Variants in SYCP1 observed in about 807,000 individuals in gnomAD.
SYCP1 encodes cancer/testis antigen 8.
SYCP1 carries 64 observed loss-of-function variants against 153.1 expected under a neutral mutation model. That is an observed-to-expected ratio of 0.42 (90% CI 0.34 to 0.51). The LOEUF (loss-of-function observed/expected upper bound fraction) is 0.51. SYCP1 is among the 20% of genes least tolerant of loss of function. The pLI is 0.06. For missense variants in SYCP1, 997 were observed against 1,049.0 expected (o/e 0.95, Z 0.68); for synonymous variants, 384 against 341.8 (o/e 1.12, Z -1.36).
intron 9 of SYCP1, among the ~76,000 whole-genome samples, chr1:114,875,395 G>C (rs11804119): frequency 6.6e-6 from 1 of 151,840 alleles, no homozygotes; most frequent in Non-Finnish European, 1.5e-5. Flanking sequence ...GAGTAGCTGG[G>C]ACTACAGGGG....
chr1:114,935,751 T>C (rs1669955125), intron 23 of SYCP1, among the ~76,000 whole-genome samples: 1 of 152,130 alleles, frequency 6.6e-6, no homozygotes, highest in Non-Finnish European at 1.5e-5. Flanking sequence ...AAATACAAAC[T>C]ACCATCAGAG....
chr1:114,954,567 A>ATTTATTTATTTATTTATTT (rs1671316631), intron 27 of SYCP1, among the ~76,000 whole-genome samples: 2 of 149,998 alleles, frequency 1.3e-5, no homozygotes, highest in African/African-American at 4.9e-5. Flanking sequence ...TTATTTATTT[A>ATTTATTTATTTATTTATTT]TTTATTTATT....
chr1:114,928,301 A>G (rs886977937), intron 23 of SYCP1, among the ~76,000 whole-genome samples: 1 of 152,214 alleles, frequency 6.6e-6, no homozygotes, highest in Admixed American at 6.5e-5. Context: ...GCAGACAGAA[A>G]AAAATGTCAC....
chr1:114,994,685 AT>A lies in SYCP1; in HGVS notation c.2704-8del. ...GGTAAACCCAACATCATATTTTTTT[AT>A]TTTTCTTCAAGAGCATGGTTTCAGA... is the stretch of plus-strand genomic sequence containing the variant. On this transcript the variant is annotated splice_polypyrimidine_tract_variant and intron_variant, in intron 30 of 31. Transcript: ENST00000369522. 6.5e-7 allele frequency: 1 copy of A among 1,538,794 alleles called. No individual in the cohort carries two copies. Among genetic ancestry groups the A allele is most frequent in the Non-Finnish European group, 8.7e-7 (1 of 1,150,512 alleles).
intron 6 of SYCP1, 83 bp downstream of exon 6, chr1:114,858,794 A>G: frequency 3.3e-6 from 4 of 1,201,004 alleles, no homozygotes; most frequent in Non-Finnish European, 4.7e-6. Flanking sequence ...GTTGGGATAA[A>G]TTGGATTGAT....
At chr1:114,859,326 ACC>A (rs1409587641) in intron 6 of SYCP1, among the ~76,000 whole-genome samples, 5 of 152,120 alleles carry the variant, frequency 3.3e-5, no homozygotes. Flanking sequence ...AGACCTCGTG[ACC>A]CACCTGCCTC....
At chr1:114,934,205 C>T (rs1484073936) in intron 23 of SYCP1, among the ~76,000 whole-genome samples, 3 of 152,218 alleles carry the variant, frequency 2.0e-5, no homozygotes, top group East Asian at 1.9e-4. Context: ...AGACTAACAG[C>T]GGATCTCTGG....
intron 7 of SYCP1, among the ~76,000 whole-genome samples, chr1:114,860,034 A>C (rs1426682731): frequency 8.5e-5 from 13 of 152,198 alleles, no homozygotes; most frequent in Admixed American, 8.5e-4. Flanking sequence ...GTCAGGCATC[A>C]GGAATAAACA....
At chr1:114,894,344 A>T (rs1182432182) in intron 15 of SYCP1, among the ~76,000 whole-genome samples, 1 of 152,212 alleles carries the variant, frequency 6.6e-6, no homozygotes, top group Non-Finnish European at 1.5e-5. Flanking sequence ...TTACATTTCC[A>T]TTAATCAATA....
At position 114,857,263 on chromosome 1, in the gene SYCP1, C is replaced by A. The variant is rs17544210; in HGVS notation, c.225C>A (p.Pro75=). The A allele has an allele frequency of 6.3e-7, 1 of 1,599,456 alleles. No homozygotes were observed. Residue 75 remains proline, a synonymous_variant, in exon 4 of 32, where the codon CCC becomes CCA. Transcript: ENST00000369522. ...CTTTACAAAAAGTTAATTTCTTGCC[C>A]GTGCTTGAGCAGGTCAGTTAAGCAT... ...DPALQKVNFL[P]VLEQVGNSDC...
intron 29 of SYCP1, 99 bp downstream of exon 29, chr1:114,981,611 T>G (rs1466799338): frequency 1.9e-6 from 2 of 1,077,662 alleles, no homozygotes; most frequent in East Asian, 5.7e-5. Context: ...CATATATAAC[T>G]AGTTTCTTGA....
chr1:114,917,170 C>T (rs1334729943), intron 20 of SYCP1, among the ~76,000 whole-genome samples: 1 of 152,014 alleles, frequency 6.6e-6, no homozygotes, highest in Non-Finnish European at 1.5e-5. Context: ...CCTGGAAACC[C>T]TCTTTCTACT....
intron 23 of SYCP1, among the ~76,000 whole-genome samples, chr1:114,939,981 G>A (rs1388537270): frequency 1.3e-5 from 2 of 152,094 alleles, no homozygotes; most frequent in Admixed American, 1.3e-4. Flanking sequence ...AGAATTGTCT[G>A]TAGCATTTAC....
At chr1:114,994,633 A>G (rs1674151317) in intron 30 of SYCP1, 65 bp from the exon 31 acceptor site, 5 of 1,268,636 alleles carry the variant, frequency 3.9e-6, no homozygotes, top group Non-Finnish European at 5.3e-6. Flanking sequence ...TATGTTGACA[A>G]AATGTTAATA....
intron 27 of SYCP1, among the ~76,000 whole-genome samples, chr1:114,957,135 G>A (rs1420864637): frequency 2.6e-5 from 4 of 151,694 alleles, no homozygotes; most frequent in Non-Finnish European, 5.9e-5. Context: ...TACAATCATA[G>A]CTCACTGGAA....
chr1:114,972,212 C>T (rs1672534391), intron 27 of SYCP1, among the ~76,000 whole-genome samples: 1 of 152,022 alleles, frequency 6.6e-6, no homozygotes, highest in African/African-American at 2.4e-5. Context: ...ATATTTACCT[C>T]ATAGTAACCT....
intron 3 of SYCP1, 96 bp from the exon 4 acceptor site, chr1:114,857,136 C>CAAAAAAAAAAAAAAA (rs71582509): frequency 2.2e-4 from 55 of 245,180 alleles, no homozygotes; most frequent in South Asian, 3.1e-4. Flanking sequence ...CTCTCTCTCT[C>CAAAAAAAAAAAAAAA]AAAAAAAAAA....
intron 26 of SYCP1, 42 bp from the exon 27 acceptor site, chr1:114,947,204 T>TA: frequency 7.1e-7 from 1 of 1,407,754 alleles, no homozygotes; most frequent in Non-Finnish European, 1.0e-6. Context: ...TCTTGAGAAA[T>TA]ACATGGAAGC....
intron 23 of SYCP1, among the ~76,000 whole-genome samples, chr1:114,938,554 A>G (rs949479505): frequency 1.7e-4 from 26 of 152,294 alleles, no homozygotes; most frequent in African/African-American, 6.3e-4. Flanking sequence ...TAATTAAAAA[A>G]ATAAATAAAT....
Sources: allele counts gnomAD v4.1 joint callset (sites outside exome capture counted in the v4.1 genomes callset), GRCh38; gene constraint gnomAD v4.1.1; transcripts MANE v1.5; gene names NCBI Gene and HGNC (gene_info 2026-07-23, HGNC 2026-07-21).